Variants in GRIP1 observed in about 807,000 individuals in gnomAD.
The protein encoded by GRIP1 is glutamate receptor interacting protein 1, also known as glutamate receptor-interacting protein 1.
Under a neutral mutation model 129.9 loss-of-function variants are expected in GRIP1, and 45 were observed. The observed-to-expected ratio is 0.35, with a 90% CI of 0.27 to 0.44. GRIP1 has a LOEUF of 0.44. Ranked by LOEUF, GRIP1 falls within the 20% of genes least tolerant of loss-of-function variation. The pLI is 1.00. For missense variants in GRIP1, 1,196 were observed against 1,396.8 expected, an observed-to-expected ratio of 0.86 and a Z score of 2.29; for synonymous variants, 530 against 520.8, an observed-to-expected ratio of 1.02 and a Z score of -0.24.
At chr12:66,787,222 A>G (rs1202187786) in intron 1 of GRIP1, among the ~76,000 whole-genome samples, 2 of 152,218 alleles carry the variant, frequency 1.3e-5, no homozygotes, top group Non-Finnish European at 2.9e-5. Flanking sequence ...AACTGAATTC[A>G]GTCCTGGGGA....
intron 1 of GRIP1, among the ~76,000 whole-genome samples, chr12:66,649,913 A>C (rs2032666713): frequency 6.6e-6 from 1 of 152,140 alleles, no homozygotes; most frequent in Non-Finnish European, 1.5e-5. Flanking sequence ...TTATGAACCA[A>C]AGTGGTGTGT....
intron 1 of GRIP1, among the ~76,000 whole-genome samples, chr12:66,864,092 C>T (rs2040158985): frequency 6.6e-6 from 1 of 152,146 alleles, no homozygotes; most frequent in Admixed American, 6.6e-5. Flanking sequence ...AGAGTATCTT[C>T]AACCAGGGGC....
intron 1 of GRIP1, among the ~76,000 whole-genome samples, chr12:66,814,003 G>A (rs1437220543): frequency 6.6e-6 from 1 of 152,124 alleles, no homozygotes; most frequent in East Asian, 1.9e-4. Flanking sequence ...GGATAATACT[G>A]TGATAGTATT....
intron 1 of GRIP1, among the ~76,000 whole-genome samples, chr12:66,840,010 A>G (rs998821693): frequency 2.0e-5 from 3 of 152,200 alleles, no homozygotes; most frequent in Admixed American, 1.3e-4. Context: ...CAAATGGGAA[A>G]TTATTTTAAC....
intron 7 of GRIP1, among the ~76,000 whole-genome samples, chr12:66,511,840 T>A (rs2060707752): frequency 6.6e-6 from 1 of 152,156 alleles, no homozygotes; most frequent in African/African-American, 2.4e-5. Context: ...TTAAGGCTAA[T>A]AAATTCCCTC....
At chr12:66,573,944 C>T (rs865986911) in intron 2 of GRIP1, among the ~76,000 whole-genome samples, 2 of 152,254 alleles carry the variant, frequency 1.3e-5, no homozygotes, top group South Asian at 2.1e-4. Flanking sequence ...AGTTCTGCCT[C>T]TAAGATCATG....
At chr12:66,596,573 TA>T (rs2064059477) in intron 2 of GRIP1, among the ~76,000 whole-genome samples, 1 of 152,184 alleles carries the variant, frequency 6.6e-6, no homozygotes, top group East Asian at 1.9e-4. Flanking sequence ...TGAGAGTAAG[TA>T]AATGAGTAGA....
intron 7 of GRIP1, among the ~76,000 whole-genome samples, chr12:66,473,246 C>T (rs906185387): frequency 1.3e-5 from 2 of 152,186 alleles, no homozygotes; most frequent in African/African-American, 2.4e-5. Flanking sequence ...TGCAGCTCGG[C>T]AAAGCTGCTG....
chr12:66,980,152 G>A (rs2042222865), intron 1 of GRIP1, among the ~76,000 whole-genome samples: 1 of 152,148 alleles, frequency 6.6e-6, no homozygotes, highest in African/African-American at 2.4e-5. Context: ...AGTTACCTAT[G>A]AGGACATGAA....
chr12:66,398,913 C>T (rs111553774), intron 16 of GRIP1, among the ~76,000 whole-genome samples: 5 of 152,028 alleles, frequency 3.3e-5, no homozygotes, highest in African/African-American at 9.7e-5. Context: ...ATAAGAATAC[C>T]TTGAAAACAG....
intron 1 of GRIP1, among the ~76,000 whole-genome samples, chr12:66,686,617 G>A (rs1310765836): frequency 6.6e-6 from 1 of 151,854 alleles, no homozygotes. Context: ...GCATAGGAAG[G>A]AGCTAAGTTT....
At chr12:66,965,979 G>C (rs1448555276) in intron 1 of GRIP1, among the ~76,000 whole-genome samples, 2 of 152,178 alleles carry the variant, frequency 1.3e-5, no homozygotes, top group Non-Finnish European at 2.9e-5. Flanking sequence ...GGAGATGAAA[G>C]AGATGGTTCT....
chr12:66,904,294 C>T (rs193284308), intron 1 of GRIP1, among the ~76,000 whole-genome samples: 37 of 152,206 alleles, frequency 2.4e-4, no homozygotes, highest in African/African-American at 7.7e-4. Flanking sequence ...ATATTTCAAA[C>T]CCCTGCATGG....
chr12:66,937,959 T>G (rs1189018160), intron 1 of GRIP1, among the ~76,000 whole-genome samples: 1 of 152,236 alleles, frequency 6.6e-6, no homozygotes, highest in African/African-American at 2.4e-5. Context: ...AATTGAGCAC[T>G]TGAACTATAG....
chr12:66,688,408 G>A (rs2034858378), intron 1 of GRIP1, among the ~76,000 whole-genome samples: 1 of 152,072 alleles, frequency 6.6e-6, no homozygotes, highest in African/African-American at 2.4e-5. Context: ...CAAAGAGTAC[G>A]ACTGGCTATG....
chr12:66,996,350 T>C (rs778156642), intron 1 of GRIP1, among the ~76,000 whole-genome samples: 1 of 151,194 alleles, frequency 6.6e-6, no homozygotes, highest in African/African-American at 2.4e-5. Context: ...AACTAACAAT[T>C]TGAAACTCTT....
At chr12:66,728,562 C>A (rs941443354) in intron 1 of GRIP1, among the ~76,000 whole-genome samples, 1 of 152,106 alleles carries the variant, frequency 6.6e-6, no homozygotes, top group African/African-American at 2.4e-5. Flanking sequence ...TTAGTTTATG[C>A]CTTTATTGGC....
At chr12:66,970,082 T>C (rs2042050755) in intron 1 of GRIP1, among the ~76,000 whole-genome samples, 1 of 152,152 alleles carries the variant, frequency 6.6e-6, no homozygotes, top group Non-Finnish European at 1.5e-5. Flanking sequence ...CCTTGCCTGT[T>C]AGCATGCTTT....
chr12:66,868,055 A>C (rs2040235280), intron 1 of GRIP1, among the ~76,000 whole-genome samples: 1 of 152,210 alleles, frequency 6.6e-6, no homozygotes, highest in Admixed American at 6.6e-5. Flanking sequence ...AACAGGTATC[A>C]CATACTTAAT....
Sources: gnomAD v4.1 joint callset for allele counts (sites outside exome capture counted in the v4.1 genomes callset) on GRCh38, gnomAD v4.1.1 for gene constraint, MANE v1.5 for transcripts, NCBI Gene and HGNC (gene_info 2026-07-23, HGNC 2026-07-21) for gene names.